Variants in MDM1 observed in about 807,000 individuals in gnomAD.
The protein encoded by MDM1 is Mdm1 nuclear protein.
In MDM1, 61 loss-of-function variants were observed where a neutral mutation model predicts 89.1. The observed-to-expected ratio is 0.68, with a 90% CI of 0.56 to 0.85. The LOEUF is 0.85. MDM1 is among the 40% of genes least tolerant of loss of function. MDM1 has a pLI of 0.00. For missense variants in MDM1, 820 were observed against 846.5 expected (o/e 0.97, Z 0.39); for synonymous variants, 290 against 294.1 (o/e 0.99, Z 0.14).
intron 2 of MDM1, chr12:68,327,393 C>T (rs1015837256): frequency 6.5e-7 from 1 of 1,535,494 alleles, no homozygotes. Flanking sequence ...AACAATGGGC[C>T]CTGGTACTGT....
At chr12:68,295,435 T>C in intron 14 of MDM1, 69 bp from the exon 15 acceptor site, 1 of 994,284 alleles carries the variant, frequency 1.0e-6, no homozygotes, top group Middle Eastern at 2.1e-4. Context: ...TTGTGTTTTA[T>C]ATAACAGAAA....
At chr12:68,323,736 A>G (rs543070914) in intron 4 of MDM1, among the ~76,000 whole-genome samples, 6 of 152,300 alleles carry the variant, frequency 3.9e-5, no homozygotes, top group Non-Finnish European at 5.9e-5. Context: ...TTTTATACTT[A>G]CTACTTCACA....
intron 2 of MDM1, among the ~76,000 whole-genome samples, chr12:68,328,627 G>A (rs1199969485): frequency 1.3e-5 from 2 of 152,102 alleles, no homozygotes; most frequent in Admixed American, 6.5e-5. Flanking sequence ...AATTTTTCTA[G>A]GAAGTATAAA....
rs560135522 is a variant in MDM1, at chr12:68,306,027, T to G, written c.1750-3155A>C. Reference sequence around the variant, plus strand: ...TTGACTTCAACCTATTACTATAAAGTTACAGCAACCACAACATCATGGTAC... The same window carrying G: ...TTGACTTCAACCTATTACTATAAAGGTACAGCAACCACAACATCATGGTAC... On this transcript the variant is annotated intron_variant, in intron 12 of 14. Coordinates refer to ENST00000682720, the MANE Select transcript of MDM1 (RefSeq NM_001354969.2). Among the ~76,000 whole-genome samples, 9 of 149,316 alleles carry G rather than the reference T, an allele frequency of 6.0e-5. No individual in the cohort carries two copies. In the South Asian group the frequency reaches 1.9e-3, roughly 31 times the overall value.
chr12:68,319,686 T>G (rs572740821), intron 7 of MDM1, among the ~76,000 whole-genome samples: 150 of 152,214 alleles, frequency 9.9e-4, no homozygotes, highest in Non-Finnish European at 1.9e-3. Context: ...TTTTCCAACT[T>G]CAATTTACTT....
intron 1 of MDM1, chr12:68,331,945 G>T: frequency 1.5e-6 from 1 of 683,124 alleles, no homozygotes; most frequent in South Asian, 1.5e-5. Flanking sequence ...CTTCGCAAAG[G>T]GACCTCCTCC....
chr12:68,322,514 G>A (rs1412714248), intron 5 of MDM1, among the ~76,000 whole-genome samples: 1 of 152,082 alleles, frequency 6.6e-6, no homozygotes, highest in Non-Finnish European at 1.5e-5. Context: ...TGCATCTGTA[G>A]TCCCAGCTAC....
At chr12:68,325,626 CT>C (rs764206007) in intron 3 of MDM1, 51 bp from the exon 4 acceptor site, 2 of 1,435,474 alleles carry the variant, frequency 1.4e-6, no homozygotes, top group South Asian at 3.4e-5. Flanking sequence ...TCTATTCAAA[CT>C]TTTTAAAAAT....
Position 68,304,725 on chromosome 12 carries a change from G to A in MDM1, c.1750-1853C>T, listed in dbSNP as rs745356059. On this transcript the variant is annotated intron_variant, in intron 12 of 14. Transcript: ENST00000682720. ...CCAGGTTTAACGTAACTGATTCTGC[G>A]ATCTGTTTTTGAGCCTAAATCCTCA... Among the ~76,000 whole-genome samples, 54 of 152,184 alleles carry A rather than the reference G, an allele frequency of 3.5e-4. 1 individual carries two copies. Among genetic ancestry groups the A allele is most frequent in the South Asian group, 4.2e-4 (2 of 4,816 alleles).
chr12:68,325,599 CAA>C (rs1875857934), intron 3 of MDM1, 24 bp from the exon 4 acceptor site: 1 of 1,480,706 alleles, frequency 6.8e-7, no homozygotes, highest in Non-Finnish European at 9.0e-7. Context: ...AAAATCCACT[CAA>C]AGACATTAAA....
chr12:68,299,860 G>A (rs1388439198), intron 13 of MDM1, among the ~76,000 whole-genome samples: 1 of 152,118 alleles, frequency 6.6e-6, no homozygotes, highest in Non-Finnish European at 1.5e-5. Flanking sequence ...ATTGCAAAAA[G>A]ATCATCACCA....
At chr12:68,331,042 T>A in intron 2 of MDM1, 65 bp downstream of exon 2, 1 of 917,872 alleles carries the variant, frequency 1.1e-6, no homozygotes, top group South Asian at 1.4e-5. Context: ...GCCCAAGTTA[T>A]AACGGCTTGG....
intron 12 of MDM1, among the ~76,000 whole-genome samples, chr12:68,311,017 A>C (rs1873602617): frequency 6.6e-6 from 1 of 152,058 alleles, no homozygotes; most frequent in Non-Finnish European, 1.5e-5. Flanking sequence ...TTTTACCTAG[A>C]CCATCCATCC....
At chr12:68,304,181 C>T (rs964608721) in intron 12 of MDM1, among the ~76,000 whole-genome samples, 7 of 152,062 alleles carry the variant, frequency 4.6e-5, no homozygotes, top group Admixed American at 2.0e-4. Context: ...GAGGCCGAGA[C>T]GGGAGGATCA....
At chr12:68,307,478 A>T (rs868379403) in intron 12 of MDM1, among the ~76,000 whole-genome samples, 11 of 152,016 alleles carry the variant, frequency 7.2e-5, no homozygotes, top group Admixed American at 2.0e-4. Flanking sequence ...TCTACAAAAA[A>T]TTTTTTTTAA....
At chr12:68,328,260 G>T (rs1318959640) in intron 2 of MDM1, among the ~76,000 whole-genome samples, 1 of 152,168 alleles carries the variant, frequency 6.6e-6, no homozygotes, top group East Asian at 1.9e-4. Flanking sequence ...TAGCTCCATG[G>T]ATTTTCCATC....
At chr12:68,327,482 G>T (rs766863345) in intron 2 of MDM1, 4 of 1,535,928 alleles carry the variant, frequency 2.6e-6, no homozygotes, top group Admixed American at 2.0e-5. Context: ...CACTGTGCTG[G>T]ATCTTGGTTC....
chr12:68,327,145 T>C (rs1807804867), intron 2 of MDM1, 124 bp from the exon 3 acceptor site: 2 of 1,410,220 alleles, frequency 1.4e-6, no homozygotes, highest in Admixed American at 2.9e-5. Flanking sequence ...TACCTATATA[T>C]ACACACAATA....
chr12:68,321,494 A>G, intron 6 of MDM1, 31 bp downstream of exon 6: 1 of 1,609,958 alleles, frequency 6.2e-7, no homozygotes, highest in African/African-American at 1.3e-5. Context: ...TTAATCATTG[A>G]AATACCATAT....
Sources: allele counts gnomAD v4.1 joint callset (sites outside exome capture counted in the v4.1 genomes callset), GRCh38; gene constraint gnomAD v4.1.1; transcripts MANE v1.5; gene names NCBI Gene and HGNC (gene_info 2026-07-23, HGNC 2026-07-21).